RALGPS2: variants seen among roughly 807,000 people sequenced by gnomAD.
The protein encoded by RALGPS2 is ras-specific guanine nucleotide-releasing factor RalGPS2.
Under a neutral mutation model 86.8 loss-of-function variants are expected in RALGPS2, and 43 were observed. That is an observed-to-expected ratio of 0.50 (90% CI 0.39 to 0.64). The LOEUF (loss-of-function observed/expected upper bound fraction) is 0.64. Among genes scored for constraint, RALGPS2 ranks in the 30% least tolerant of loss-of-function variants. The pLI is 0.00. For missense variants in RALGPS2, 536 were observed against 694.6 expected (o/e 0.77, Z 2.57); for synonymous variants, 243 against 231.3 (o/e 1.05, Z -0.46).
chr1:178,858,931 C>G (rs1347719341), intron 8 of RALGPS2, among the ~76,000 whole-genome samples: 1 of 152,126 alleles, frequency 6.6e-6, no homozygotes, highest in Non-Finnish European at 1.5e-5. Context: ...CAATTCAGAG[C>G]TTTCAAATTA....
chr1:178,909,097 G>C (rs577079628), intron 19 of RALGPS2, among the ~76,000 whole-genome samples: 10 of 152,202 alleles, frequency 6.6e-5, no homozygotes, highest in African/African-American at 2.4e-4. Context: ...GTAAGGAAGG[G>C]GTCCAGTTTT....
At chr1:178,837,874 A>T (rs1656358579) in intron 8 of RALGPS2, among the ~76,000 whole-genome samples, 1 of 152,188 alleles carries the variant, frequency 6.6e-6, no homozygotes, top group African/African-American at 2.4e-5. Context: ...GCACACCAGG[A>T]GATTAGATCC....
intron 8 of RALGPS2, among the ~76,000 whole-genome samples, chr1:178,851,867 G>A (rs1657196290): frequency 6.6e-6 from 1 of 152,154 alleles, no homozygotes; most frequent in South Asian, 2.1e-4. Flanking sequence ...GTTTGGGACA[G>A]GGATGGGGGA....
At chr1:178,772,795 A>G (rs143085039) in intron 1 of RALGPS2, among the ~76,000 whole-genome samples, 25 of 152,302 alleles carry the variant, frequency 1.6e-4, no homozygotes, top group African/African-American at 5.5e-4. Context: ...TGAATGAAGT[A>G]ACTTTGTTAT....
chr1:178,766,711 T>C (rs1652526292), intron 1 of RALGPS2, among the ~76,000 whole-genome samples: 2 of 152,214 alleles, frequency 1.3e-5, no homozygotes, highest in Non-Finnish European at 2.9e-5. Flanking sequence ...GAGAATCGGA[T>C]GACTGTGTGT....
intron 1 of RALGPS2, among the ~76,000 whole-genome samples, chr1:178,727,963 A>G (rs1650124221): frequency 6.6e-6 from 1 of 152,174 alleles, no homozygotes; most frequent in Admixed American, 6.5e-5. Context: ...CTTTCTGAGA[A>G]TTGTGGGAAT....
chr1:178,801,415 C>T (rs750000633), intron 4 of RALGPS2, among the ~76,000 whole-genome samples: 6 of 151,980 alleles, frequency 3.9e-5, no homozygotes, highest in Admixed American at 6.6e-5. Context: ...TATTATGTGC[C>T]AGTCTAAAGG....
intron 6 of RALGPS2, among the ~76,000 whole-genome samples, chr1:178,812,928 CTTTTTTTTTTT>C (rs397844555): frequency 9.4e-6 from 1 of 106,852 alleles, no homozygotes; most frequent in Non-Finnish European, 1.9e-5. Flanking sequence ...TAGGTAAATA[CTTTTTTTTTTT>C]TTTTTTTTTT....
chr1:178,779,507 G>A (rs993260776), intron 2 of RALGPS2, among the ~76,000 whole-genome samples: 18 of 152,058 alleles, frequency 1.2e-4, no homozygotes, highest in Non-Finnish European at 5.9e-5. Flanking sequence ...GGTTTCAATT[G>A]TTTTTGTTAT....
intron 19 of RALGPS2, among the ~76,000 whole-genome samples, chr1:178,909,004 C>G (rs1372155394): frequency 6.6e-6 from 1 of 152,046 alleles, no homozygotes; most frequent in Non-Finnish European, 1.5e-5. Flanking sequence ...ATGGTATATC[C>G]TAGGTTATCT....
intron 1 of RALGPS2, among the ~76,000 whole-genome samples, chr1:178,737,845 ACAGCT>A (rs1284465351): frequency 1.3e-5 from 2 of 151,974 alleles, no homozygotes; most frequent in Non-Finnish European, 2.9e-5. Context: ...TGGCATGATC[ACAGCT>A]CACTGCAGCC....
At chr1:178,811,949 G>C (rs1038920162) in intron 6 of RALGPS2, among the ~76,000 whole-genome samples, 2 of 152,164 alleles carry the variant, frequency 1.3e-5, no homozygotes, top group African/African-American at 4.8e-5. Flanking sequence ...GTTCTACAAA[G>C]GATACCAAGA....
rs981052791 is a variant in RALGPS2 at position 178,776,806 on chromosome 1, A to C, written c.42A>C (p.Ala14=). 7.4e-6 allele frequency: 12 copies of C among 1,612,876 alleles called. No homozygotes were observed. Among genetic ancestry groups the C allele is most frequent in the Non-Finnish European group, 1.0e-5 (12 of 1,179,330 alleles). ...GGCAGGCAAGCAGTGTCAATATTGC[A>C]GCTACTGCTTCTGAGGTAAGATATT... The part of the protein sequence containing the change: ...MNGQASSVNI[A]ATASEKSSSS... Residue 14 remains alanine, a synonymous_variant, in exon 2 of 20, where the codon GCA becomes GCC. Transcript: ENST00000367635.
rs576854716 is a variant in RALGPS2, at chr1:178,877,407, A to T, written c.608-91A>T. ...TTTTAAATGTAGCGTACAGTGGAAT[A>T]TATCTATAAACAACCCCTTCCCCCC... is the stretch of plus-strand genomic sequence containing the variant. On this transcript the variant is annotated intron_variant, in intron 8 of 19. Coordinates refer to ENST00000367635, the MANE Select transcript of RALGPS2 (RefSeq NM_152663.5). The T allele has an allele frequency of 3.3e-6, 5 of 1,537,218 alleles. No homozygotes were observed. In the Admixed American group the frequency reaches 9.8e-5, roughly 30 times the overall value.
At chr1:178,844,445 A>G (rs1656769304) in intron 8 of RALGPS2, among the ~76,000 whole-genome samples, 2 of 152,170 alleles carry the variant, frequency 1.3e-5, no homozygotes, top group South Asian at 2.1e-4. Context: ...TTCAATGTGG[A>G]TTAAATTATA....
At chr1:178,898,231 C>T (rs555480331) in intron 17 of RALGPS2, among the ~76,000 whole-genome samples, 1 of 152,018 alleles carries the variant, frequency 6.6e-6, no homozygotes, top group South Asian at 2.1e-4. Context: ...ATCTTTTTTG[C>T]ATGCTGTTTT....
intron 4 of RALGPS2, among the ~76,000 whole-genome samples, chr1:178,797,356 T>C (rs967530238): frequency 1.3e-5 from 2 of 151,268 alleles, no homozygotes; most frequent in African/African-American, 4.9e-5. Context: ...TCTTGAGAGG[T>C]AGAGGTGGGG....
At chr1:178,817,681 T>C (rs977154481) in intron 6 of RALGPS2, among the ~76,000 whole-genome samples, 2 of 152,154 alleles carry the variant, frequency 1.3e-5, no homozygotes, top group Non-Finnish European at 2.9e-5. Context: ...TTGATTGAGG[T>C]TTTATTGAAT....
At chr1:178,810,386 C>G (rs560053008) in intron 5 of RALGPS2, among the ~76,000 whole-genome samples, 1 of 152,154 alleles carries the variant, frequency 6.6e-6, no homozygotes, top group African/African-American at 2.4e-5. Context: ...GACTCTGTCT[C>G]CAAAACAAAA....
Sources: gnomAD v4.1 joint callset for allele counts (sites outside exome capture counted in the v4.1 genomes callset) on GRCh38, gnomAD v4.1.1 for gene constraint, MANE v1.5 for transcripts, NCBI Gene and HGNC (gene_info 2026-07-23, HGNC 2026-07-21) for gene names.